Variants in DDX56 observed in about 807,000 individuals in gnomAD.
DDX56 encodes DEAD-box helicase 56.
DDX56 carries 45 observed loss-of-function variants against 61.5 expected under a neutral mutation model. That is an observed-to-expected ratio of 0.73 (90% CI 0.58 to 0.94). The LOEUF is 0.94. Ranked by LOEUF, DDX56 falls within the 40% of genes least tolerant of loss-of-function variation. DDX56 has a pLI of 0.00. For synonymous variants in DDX56, 273 were observed against 268.3 expected, an observed-to-expected ratio of 1.02 and a Z score of -0.17; for missense variants, 708 against 690.7, an observed-to-expected ratio of 1.02 and a Z score of -0.28.
chr7:44,565,950 GGTGTAAGCCT>G lies in DDX56; in HGVS notation c.*42_*51del. 4 of 1,391,708 alleles carry G rather than the reference GGTGTAAGCCT, an allele frequency of 2.9e-6. No homozygotes were observed. The highest frequency in any genetic ancestry group is 4.1e-6 in the Non-Finnish European group (4 of 984,910). The allele number at this position is 1,391,708 out of a possible 1,614,324, so 86.2% of individuals were successfully genotyped here. The stretch of plus-strand genomic sequence containing the variant: ...ACCAGAGCCTCGCCTGTCCACGAAG[GGTGTAAGCCT>G]GTGCTCCACAATGTGCTCAGCTCCA... On this transcript the variant is annotated 3_prime_UTR_variant, in exon 14 of 14. Transcript: ENST00000258772.
Position 44,573,154 on chromosome 7 carries a change from T to G in DDX56, c.223-104A>C, listed in dbSNP as rs217372. On this transcript the variant is annotated intron_variant, in intron 2 of 13. Coordinates refer to ENST00000258772, the MANE Select transcript of DDX56 (RefSeq NM_019082.4). ...CTGACCCATCTGCTGCAACACTACT[T>G]AGCAGTACTTTGATCATCTATCACT... 4 of 1,033,772 alleles carry G rather than the reference T, an allele frequency of 3.9e-6. No homozygotes were observed. The African/African-American group carries it at 4.8e-5, about 12-fold the overall frequency. 64.0% of individuals were successfully genotyped at this position (1,033,772 alleles called of 1,614,324 possible).
At chr7:44,570,906 C>T (rs1802653362) in intron 6 of DDX56, 29 bp from the exon 7 acceptor site, 1 of 1,597,476 alleles carries the variant, frequency 6.3e-7, no homozygotes, top group Non-Finnish European at 8.6e-7. Context: ...AGAGAATCAG[C>T]TCAGCAGAGC....
chr7:44,572,710 C>G lies in DDX56; in HGVS notation c.418G>C (p.Gly140Arg). 1 of 1,614,204 alleles carries G rather than the reference C, an allele frequency of 6.2e-7. No homozygotes were observed. The highest frequency in any genetic ancestry group is 8.5e-7 in the Non-Finnish European group (1 of 1,180,024). Residue 140 changes from glycine to arginine, a missense_variant, in exon 4 of 14, where the codon GGG becomes CGG. Coordinates refer to ENST00000258772, the MANE Select transcript of DDX56 (RefSeq NM_019082.4). ...VLMEKPDVVV[G>R]TPSRILSHLQ... ...TGGCTTAATATGCGAGATGGGGTCC[C>G]TACTACCACATCTGGCTTCTCCATC...
Position 44,569,008 on chromosome 7 carries a change from G to C in DDX56, c.1294-16C>G. The C allele has an allele frequency of 6.2e-7, 1 of 1,613,744 alleles. No individual in the cohort carries two copies. Among genetic ancestry groups the C allele is most frequent in the Non-Finnish European group, 8.5e-7 (1 of 1,179,776 alleles). On this transcript the variant is annotated splice_polypyrimidine_tract_variant and intron_variant, in intron 10 of 13. Coordinates refer to ENST00000258772, the MANE Select transcript of DDX56 (RefSeq NM_019082.4). ...GCATGGCATCCTGGGGGTGGACACTGAAGGTCAAGACAGTGAGGCTGCCCC... is the reference window on the plus strand; with the variant it reads ...GCATGGCATCCTGGGGGTGGACACTCAAGGTCAAGACAGTGAGGCTGCCCC...
At chr7:44,567,737 T>C (rs1210606230) in intron 12 of DDX56, 2 of 302,592 alleles carry the variant, frequency 6.6e-6, no homozygotes, top group African/African-American at 4.5e-5. Flanking sequence ...TAATCTTGAG[T>C]CTTTTGCAGC....
At chr7:44,573,245 G>T (rs1017429288) in intron 2 of DDX56, among the ~76,000 whole-genome samples, 195 bp from the exon 3 acceptor site, 2 of 152,176 alleles carry the variant, frequency 1.3e-5, no homozygotes, top group African/African-American at 2.4e-5. Flanking sequence ...AAAGAATAAC[G>T]TACTCTGATG....
rs548754367 is a variant in DDX56 at position 44,566,483 on chromosome 7, G to A, written c.1531C>T (p.Arg511Trp). Residue 511 changes from arginine (R) to tryptophan (W), a missense_variant, in exon 13 of 14, where the codon CGG (arginine) becomes TGG (tryptophan). Physicochemically the swap from Arg to Trp is moderately radical, Grantham distance 101. Coordinates refer to ENST00000258772, the MANE Select transcript of DDX56 (RefSeq NM_019082.4). ...LRGLVRPHKK[R>W]KKLSSSCRKA... ...CTACAAGAGGAAGACAGCTTCTTCC[G>A]CTTCTTGTGAGGGCGCACCAGGCCA... 6 of 1,565,956 alleles carry A rather than the reference G, an allele frequency of 3.8e-6. No homozygotes were observed. Among genetic ancestry groups the A allele is most frequent in the African/African-American group, 1.4e-5 (1 of 73,528 alleles).
At chr7:44,568,051 C>G in intron 12 of DDX56, 67 bp downstream of exon 12, 1 of 1,287,414 alleles carries the variant, frequency 7.8e-7, no homozygotes. Context: ...AGGGGCTGAC[C>G]CAGCAGTGGA....
In DDX56 at chr7:44,568,888, C is replaced by T. The variant is rs753603400; in HGVS notation, c.1383+15G>A. ...CGTCTAAGATCTATCCCCTTCTCAC[C>T]TCCCATCCACTCACCTTAAGCTTCT... On this transcript the variant is annotated intron_variant, in intron 11 of 13. Transcript: ENST00000258772. 6.2e-7 allele frequency: 1 copy of T among 1,604,874 alleles called. No individual in the cohort carries two copies. Among genetic ancestry groups the T allele is most frequent in the East Asian group, 2.2e-5 (1 of 44,832 alleles).
rs764434931 is a variant in DDX56 at position 44,568,207 on chromosome 7, T to C, written c.1400A>G (p.Asn467Ser). The change falls in exon 12 of 14, where the codon AAC becomes AGC. Residue 467 changes from asparagine (N) to serine (S), a missense_variant. Coordinates refer to ENST00000258772, the MANE Select transcript of DDX56 (RefSeq NM_019082.4). Reference sequence around the variant, plus strand: ...CCGCAGCAGCTGGAGGTCCCTAGGGTTGTCTTCAAAGTATGTCTGCCGGGG... The same window carrying C: ...CCGCAGCAGCTGGAGGTCCCTAGGGCTGTCTTCAAAGTATGTCTGCCGGGG... ...SEKLKTYFEDNPRDLQLLRHD... is the reference protein window; with the variant it reads ...SEKLKTYFEDSPRDLQLLRHD... 1 of 1,611,500 alleles carries C rather than the reference T, an allele frequency of 6.2e-7. No homozygotes were observed. The highest frequency in any genetic ancestry group is 8.5e-7 in the Non-Finnish European group (1 of 1,178,184).
At chr7:44,568,306 C>A in intron 11 of DDX56, 83 bp from the exon 12 acceptor site, 1 of 994,400 alleles carries the variant, frequency 1.0e-6, no homozygotes, top group Non-Finnish European at 1.5e-6. Flanking sequence ...GGATAACACA[C>A]TCATGTGTTT....
intron 11 of DDX56, 89 bp from the exon 12 acceptor site, chr7:44,568,312 TG>T: frequency 7.3e-6 from 7 of 953,690 alleles, no homozygotes; most frequent in Non-Finnish European, 9.4e-6. Flanking sequence ...CACACTCATG[TG>T]TTTCAAAAGG....
chr7:44,566,432 T>TC lies in DDX56; in HGVS notation c.1566+15dup. ...GGAGGAGTCCTGGGGCTGTCCGCAG[T>TC]CCCCAGGAGCCGTACCTTGGCCTTC... On this transcript the variant is annotated intron_variant, in intron 13 of 13. Transcript: ENST00000258772. 6.5e-7 allele frequency: 1 copy of TC among 1,545,782 alleles called. No homozygotes were observed.
Position 44,570,084 on chromosome 7 carries a change from T to C in DDX56, c.1055A>G (p.His352Arg), listed in dbSNP as rs768058196. 6.2e-6 allele frequency: 10 copies of C among 1,613,940 alleles called. No individual in the cohort carries two copies. The African/African-American group carries it at 1.3e-4, about 22-fold the overall frequency. Residue 352 changes from histidine to arginine, a missense_variant, in exon 8 of 14, where the codon CAC becomes CGC. Coordinates refer to ENST00000258772, the MANE Select transcript of DDX56 (RefSeq NM_019082.4). ...AAAGTTGAGCACAGCAGACACATGG[T>C]GGAAGTCTATGCCCCGGGCCACACC... ...EAGVARGIDF[H>R]HVSAVLNFDL...
rs777735736 is a variant in DDX56 at position 44,570,763 on chromosome 7, C to G, written c.1005G>C (p.Gly335=). 6.2e-7 allele frequency: 1 copy of G among 1,608,564 alleles called. No homozygotes were observed. The highest frequency in any genetic ancestry group is 1.1e-5 in the South Asian group (1 of 90,614). Residue 335 remains glycine, a synonymous_variant, in exon 7 of 14, where the codon GGG becomes GGC. Transcript: ENST00000258772. ...KGKRRGRGPK[G]DKASDPEAGV... ...AAAAAGAGGCATGGACTCACTTGTC[C>G]CCTTTGGGCCCTCGGCCCCGACGCT...
At chr7:44,567,119 A>G (rs1318157728) in intron 12 of DDX56, among the ~76,000 whole-genome samples, 1 of 126,634 alleles carries the variant, frequency 7.9e-6, no homozygotes, top group Non-Finnish European at 1.6e-5. Flanking sequence ...TCCCCTCCTC[A>G]CATCTCAGGC....
chr7:44,566,095 C>T lies in DDX56; in HGVS notation c.1567-16G>A. The T allele has an allele frequency of 6.3e-7, 1 of 1,580,760 alleles. No individual in the cohort carries two copies. On this transcript the variant is annotated splice_polypyrimidine_tract_variant and intron_variant, in intron 13 of 13. Coordinates refer to ENST00000258772, the MANE Select transcript of DDX56 (RefSeq NM_019082.4). ...ACTTTGCTCTCTAAGGAGGCAAAGT[C>T]ACAGGTTAGTTGGGGGAATCAGGCC...
In DDX56 at chr7:44,568,996, G is replaced by A. The variant is rs774897954; in HGVS notation, c.1294-4C>T. The A allele has an allele frequency of 8.7e-6, 14 of 1,613,938 alleles. No homozygotes were observed. The Admixed American group carries it at 1.0e-4, about 12-fold the overall frequency. On this transcript the variant is annotated splice_polypyrimidine_tract_variant and splice_region_variant and intron_variant, in intron 10 of 13. Transcript: ENST00000258772. ...TAGTCACTGAGCGCATGGCATCCTG[G>A]GGGTGGACACTGAAGGTCAAGACAG...
At chr7:44,568,795 G>T in intron 11 of DDX56, 108 bp downstream of exon 11, 1 of 879,580 alleles carries the variant, frequency 1.1e-6, no homozygotes, top group Non-Finnish European at 1.8e-6. Flanking sequence ...CCGTGCCAAA[G>T]GCCAGAAAAC....
Sources: allele counts gnomAD v4.1 joint callset (sites outside exome capture counted in the v4.1 genomes callset), GRCh38; gene constraint gnomAD v4.1.1; transcripts MANE v1.5; gene names NCBI Gene and HGNC (gene_info 2026-07-23, HGNC 2026-07-21).